The following NRIP3 variants were observed in gnomAD, a reference collection of about 807,000 sequenced individuals.
NRIP3 encodes the protein nuclear receptor-interacting protein 3.
A neutral mutation model predicts 29.0 loss-of-function variants in NRIP3; 31 were observed. The observed-to-expected ratio is 1.07, with a 90% CI of 0.80 to 1.44. The LOEUF is 1.44. Ranked by LOEUF, NRIP3 falls within the 40% of genes most tolerant of loss-of-function variation. NRIP3 has a pLI of 0.00. For synonymous variants in NRIP3, 131 were observed against 118.3 expected (o/e 1.11, Z -0.70); for missense variants, 314 against 297.9 (o/e 1.05, Z -0.40).
intron 1 of NRIP3, among the ~76,000 whole-genome samples, chr11:8,994,611 A>G (rs922066346): frequency 2.6e-5 from 4 of 152,222 alleles, no homozygotes; most frequent in Non-Finnish European, 5.9e-5. Flanking sequence ...TGGTATAAGC[A>G]TACCTTAACT....
chr11:8,993,480 G>A (rs1854644989), intron 1 of NRIP3, among the ~76,000 whole-genome samples: 1 of 152,094 alleles, frequency 6.6e-6, no homozygotes, highest in South Asian at 2.1e-4. Context: ...AATATGATGG[G>A]AAGGTGTAAG....
rs1286253158 is a variant in NRIP3 at position 8,985,847 on chromosome 11, G to T, written c.426C>A (p.Leu142=). The change falls in exon 4 of 7, where the codon CTC becomes CTA. Residue 142 remains leucine, a synonymous_variant. Transcript: ENST00000309166. ...ISLACVDRLG[L]KEHVKSHKHE... ...GCTTGTGGGATTTGACATGCTCCTTGAGTCTGTACCAAAGAGGAAGATACC... is the reference window on the plus strand; with the variant it reads ...GCTTGTGGGATTTGACATGCTCCTTTAGTCTGTACCAAAGAGGAAGATACC... The T allele has an allele frequency of 6.2e-7, 1 of 1,614,090 alleles. No individual in the cohort carries two copies. The highest frequency in any genetic ancestry group is 1.7e-5 in the Admixed American group (1 of 60,018).
chr11:8,998,229 T>C (rs945281717), intron 1 of NRIP3, among the ~76,000 whole-genome samples: 3 of 152,210 alleles, frequency 2.0e-5, no homozygotes, highest in Non-Finnish European at 4.4e-5. Context: ...TTCTACCCCA[T>C]GGAAACACAG....
At chr11:9,003,720 G>A in intron 1 of NRIP3, 42 bp downstream of exon 1, 1 of 1,362,994 alleles carries the variant, frequency 7.3e-7, no homozygotes. Context: ...CGGCGGGCGC[G>A]AAGCCGCCGG....
chr11:8,995,555 T>C (rs1004972999), intron 1 of NRIP3, among the ~76,000 whole-genome samples: 3 of 152,198 alleles, frequency 2.0e-5, no homozygotes, highest in Non-Finnish European at 4.4e-5. Flanking sequence ...TCTCCCCATC[T>C]TTACTACCTC....
At chr11:9,001,533 C>G (rs75024793) in intron 1 of NRIP3, among the ~76,000 whole-genome samples, 1 of 152,292 alleles carries the variant, frequency 6.6e-6, no homozygotes, top group South Asian at 2.1e-4. Context: ...CTCCTTCTAT[C>G]GAGATTATAC....
rs765800575 is a variant in NRIP3, at chr11:8,987,549, C to T, written c.421G>A (p.Gly141Arg). The T allele has an allele frequency of 3.7e-6, 6 of 1,612,212 alleles. No individual in the cohort carries two copies. The East Asian group carries it at 1.3e-4, about 36-fold the overall frequency. Residue 141 changes from glycine (G) to arginine (R), a missense_variant and splice_region_variant, in exon 3 of 7, where the codon GGA becomes AGA. Gly to Arg is a moderately radical substitution (Grantham distance 125, BLOSUM62 -2). Transcript: ENST00000309166. ...LISLACVDRL[G>R]LKEHVKSHKH... ...CACTCAGCACAAGTGCCTACTTACC[C>T]CAATCTGTCCACACAGGCCAAAGAG...
chr11:8,987,374 G>A (rs562788743), intron 3 of NRIP3, among the ~76,000 whole-genome samples, 174 bp downstream of exon 3: 13 of 152,056 alleles, frequency 8.5e-5, no homozygotes, highest in East Asian at 3.9e-4. Flanking sequence ...CCCACTTGCC[G>A]GATAACCCAC....
chr11:9,003,920 G>C lies in NRIP3; in HGVS notation c.16C>G (p.Leu6Val), dbSNP rs1434311334. MFYSGLLTEGGRKETD... is the reference protein window; with the variant it reads MFYSGVLTEGGRKETD... Reference sequence around the variant, plus strand: ...TCCTTGCGGCCGCCCTCAGTGAGGAGCCCTGAGTAAAACATCGCTGAGGCG... The same window carrying C: ...TCCTTGCGGCCGCCCTCAGTGAGGACCCCTGAGTAAAACATCGCTGAGGCG... The change falls in exon 1 of 7, where the codon CTC (leucine) becomes GTC (valine). Residue 6 changes from leucine (L) to valine (V), a missense_variant. Coordinates refer to ENST00000309166, the MANE Select transcript of NRIP3 (RefSeq NM_020645.3). 3.3e-6 allele frequency: 5 copies of C among 1,508,496 alleles called. No homozygotes were observed. The highest frequency in any genetic ancestry group is 4.4e-6 in the Non-Finnish European group (5 of 1,129,152). 93.4% of individuals were successfully genotyped at this position (1,508,496 alleles called of 1,614,324 possible). A position where few individuals can be genotyped will look rare whatever the true frequency, so the allele number is the denominator to read the frequency against.
rs1013359256 is a variant in NRIP3, at chr11:8,985,739, G to T, written c.534C>A (p.Leu178=). The stretch of plus-strand genomic sequence containing the variant: ...CCACAGCTGCTGGGCAGTCCAGGCG[G>T]AGGGAGCCCAGTGTGATCACTAGGT... ...IEHLVITLGS[L]RLDCPAAVVD... The change falls in exon 4 of 7, where the codon CTC becomes CTA. Residue 178 remains leucine (L), a synonymous_variant. Transcript: ENST00000309166. The T allele has an allele frequency of 6.2e-7, 1 of 1,614,138 alleles. No homozygotes were observed. The highest frequency in any genetic ancestry group is 1.1e-5 in the South Asian group (1 of 91,084).
rs1055635886 is a variant in NRIP3 at position 9,003,884 on chromosome 11, G to A, written c.52C>T (p.Arg18Trp). 2.0e-6 allele frequency: 3 copies of A among 1,523,514 alleles called. No individual in the cohort carries two copies. Among genetic ancestry groups the A allele is most frequent in the Admixed American group, 2.1e-5 (1 of 48,252 alleles). The allele number at this position is 1,523,514 out of a possible 1,614,324, so 94.4% of individuals were successfully genotyped here. The change falls in exon 1 of 7, where the codon CGG becomes TGG. Residue 18 changes from arginine (R) to tryptophan (W), a missense_variant. Coordinates refer to ENST00000309166, the MANE Select transcript of NRIP3 (RefSeq NM_020645.3). ...TEGGRKETDM[R>W]EAASLRQQRR... ...TGCTGTCGCAGTGACGCCGCCTCCC[G>A]CATGTCGGTCTCCTTGCGGCCGCCC...
At chr11:8,984,529 T>C (rs1054915406) in intron 4 of NRIP3, among the ~76,000 whole-genome samples, 2 of 151,966 alleles carry the variant, frequency 1.3e-5, no homozygotes, top group African/African-American at 4.8e-5. Flanking sequence ...TCCCAAAGTG[T>C]TGGGATTACA....
At chr11:8,991,072 C>T (rs764214403) in intron 1 of NRIP3, among the ~76,000 whole-genome samples, 5 of 152,068 alleles carry the variant, frequency 3.3e-5, no homozygotes, top group African/African-American at 4.8e-5. Context: ...GAGGCCAAGG[C>T]GGGTGGATCA....
At position 8,980,756 on chromosome 11, in the gene NRIP3, G is replaced by A. The variant is rs950643397; in HGVS notation, c.*2789C>T. On this transcript the variant is annotated 3_prime_UTR_variant, in exon 7 of 7. Transcript: ENST00000309166. ...TATATTTCTATTACACAAGAGTGAG[G>A]GCAGCTGACATACCAGGCAACCCAT... 8.5e-5 allele frequency: 13 copies of A among 152,178 alleles called. No individual in the cohort carries two copies. The highest frequency in any genetic ancestry group is 3.1e-4 in the African/African-American group (13 of 41,424). 9.4% of individuals were successfully genotyped at this position (152,178 alleles called of 1,614,324 possible).
chr11:8,980,971 T>C lies in NRIP3; in HGVS notation c.*2574A>G, dbSNP rs1854405610. The C allele has an allele frequency of 6.6e-6, 1 of 152,190 alleles. No homozygotes were observed. The highest frequency in any genetic ancestry group is 2.4e-5 in the African/African-American group (1 of 41,446). The allele number at this position is 152,190 out of a possible 1,614,324, so 9.4% of individuals were successfully genotyped here. A position where few individuals can be genotyped will look rare whatever the true frequency, so the allele number is the denominator to read the frequency against. On this transcript the variant is annotated 3_prime_UTR_variant, in exon 7 of 7. Coordinates refer to ENST00000309166, the MANE Select transcript of NRIP3 (RefSeq NM_020645.3). ...CTAATAAGGAATGAGACAGGTCTGG[T>C]GCTTCATGCTACTGCCTATTTTCAG...
chr11:8,987,592 G>A lies in NRIP3; in HGVS notation c.378C>T (p.Gly126=), dbSNP rs2134911472. The A allele has an allele frequency of 1.2e-6, 2 of 1,614,094 alleles. No individual in the cohort carries two copies. Among genetic ancestry groups the A allele is most frequent in the Non-Finnish European group, 1.7e-6 (2 of 1,179,964 alleles). ...GKDVKALVDT[G]CLYNLISLAC... is the part of the protein sequence containing the mutation. Reference sequence around the variant, plus strand: ...CCAAAGAGATGAGATTATATAGGCAGCCTGTGTCAACCAAGGCTTTCACAT... The same window carrying A: ...CCAAAGAGATGAGATTATATAGGCAACCTGTGTCAACCAAGGCTTTCACAT... The change falls in exon 3 of 7, where the codon GGC becomes GGT. Residue 126 remains glycine, a synonymous_variant. Coordinates refer to ENST00000309166, the MANE Select transcript of NRIP3 (RefSeq NM_020645.3).
At chr11:8,990,014 A>T (rs1422081679) in intron 1 of NRIP3, among the ~76,000 whole-genome samples, 3 of 152,226 alleles carry the variant, frequency 2.0e-5, no homozygotes, top group Non-Finnish European at 4.4e-5. Context: ...AAAGGAACCT[A>T]ATCATTAGTG....
chr11:8,985,001 G>A (rs991668697), intron 4 of NRIP3, among the ~76,000 whole-genome samples: 3 of 151,180 alleles, frequency 2.0e-5, no homozygotes, highest in Admixed American at 1.3e-4. Context: ...AAAGGTATGC[G>A]CCACCAGTCC....
chr11:8,987,027 A>G (rs1199106945), intron 3 of NRIP3, among the ~76,000 whole-genome samples: 1 of 152,146 alleles, frequency 6.6e-6, no homozygotes, highest in Admixed American at 6.5e-5. Flanking sequence ...CACAAAACAA[A>G]CAAAAGAAAC....
Sources: gnomAD v4.1 joint callset for allele counts (sites outside exome capture counted in the v4.1 genomes callset) on GRCh38, gnomAD v4.1.1 for gene constraint, MANE v1.5 for transcripts, NCBI Gene and HGNC (gene_info 2026-07-23, HGNC 2026-07-21) for gene names.